PDZRN4: variants seen among roughly 807,000 people sequenced by gnomAD.
PDZRN4 encodes the protein PDZ domain containing ring finger 4.
Under a neutral mutation model 99.0 loss-of-function variants are expected in PDZRN4, and 70 were observed. The observed-to-expected ratio is 0.71, with a 90% CI of 0.58 to 0.86. The LOEUF (loss-of-function observed/expected upper bound fraction) is 0.86, where lower values mean the gene tolerates loss of function less well. PDZRN4 is among the 40% of genes least tolerant of loss of function. PDZRN4 has a pLI of 0.00. For missense variants in PDZRN4, 1,474 were observed against 1,331.2 expected, an observed-to-expected ratio of 1.11 and a Z score of -1.67; for synonymous variants, 551 against 501.6, an observed-to-expected ratio of 1.10 and a Z score of -1.32.
intron 3 of PDZRN4, among the ~76,000 whole-genome samples, chr12:41,447,162 G>A (rs1952736286): frequency 1.3e-5 from 2 of 152,012 alleles, no homozygotes; most frequent in Admixed American, 6.6e-5. Context: ...AATATTGTTT[G>A]CTTGGTACTT....
chr12:41,358,471 A>G lies in PDZRN4; in HGVS notation c.844-147985A>G, dbSNP rs921084222. On this transcript the variant is annotated intron_variant, in intron 3 of 9. Transcript: ENST00000402685. ...GAAAAATGTCCTGGACAATTTCCAT[A>G]CTCTTACTTTCATATCTACTCACTT... Among the ~76,000 whole-genome samples, 3 of 152,038 alleles carry G rather than the reference A, an allele frequency of 2.0e-5. No individual in the cohort carries two copies. The South Asian group carries it at 6.2e-4, about 32-fold the overall frequency.
intron 3 of PDZRN4, among the ~76,000 whole-genome samples, chr12:41,377,882 G>A (rs974941770): frequency 6.6e-6 from 1 of 151,998 alleles, no homozygotes; most frequent in East Asian, 1.9e-4. Context: ...GAGTTTTTTG[G>A]TGGAATCTTT....
In PDZRN4 at chr12:41,504,842, C is replaced by G. The variant is rs553973805; in HGVS notation, c.844-1614C>G. On this transcript the variant is annotated intron_variant, in intron 3 of 9. Transcript: ENST00000402685. ...GCATAGATTAGTGAATGTGTTCACA[C>G]TGGTAAACACCCAGTCAGATCTCCA... Among the ~76,000 whole-genome samples the G allele has an allele frequency of 2.3e-4, 35 of 152,038 alleles. 1 individual carries two copies. Among genetic ancestry groups the G allele is most frequent in the African/African-American group, 8.2e-4 (34 of 41,462 alleles).
chr12:41,458,553 C>T (rs1952838441), intron 3 of PDZRN4, among the ~76,000 whole-genome samples: 1 of 152,158 alleles, frequency 6.6e-6, no homozygotes, highest in South Asian at 2.1e-4. Context: ...GGGAGGGTTA[C>T]TATTAACTAA....
intron 3 of PDZRN4, among the ~76,000 whole-genome samples, chr12:41,425,797 A>G (rs1407673636): frequency 6.6e-6 from 1 of 152,184 alleles, no homozygotes; most frequent in African/African-American, 2.4e-5. Context: ...TTAACCTACT[A>G]AAGCCTATCA....
intron 3 of PDZRN4, among the ~76,000 whole-genome samples, chr12:41,197,918 G>GTTTT (rs1491129322): frequency 3.5e-5 from 4 of 114,576 alleles, no homozygotes; most frequent in Admixed American, 9.6e-5. Context: ...TGTTTTTTCT[G>GTTTT]GGTTTTTTTT....
At chr12:41,378,735 C>A (rs1240362894) in intron 3 of PDZRN4, among the ~76,000 whole-genome samples, 1 of 152,008 alleles carries the variant, frequency 6.6e-6, no homozygotes, top group African/African-American at 2.4e-5. Flanking sequence ...GTTGGCCAAG[C>A]TGTTCTTGAA....
chr12:41,507,694 G>A (rs1412956321), intron 4 of PDZRN4, among the ~76,000 whole-genome samples: 2 of 152,070 alleles, frequency 1.3e-5, no homozygotes, highest in African/African-American at 4.8e-5. Flanking sequence ...ATTTTCAAAA[G>A]TCTCCCTAGG....
intron 3 of PDZRN4, among the ~76,000 whole-genome samples, chr12:41,334,598 T>C (rs1042599148): frequency 6.6e-6 from 1 of 152,106 alleles, no homozygotes; most frequent in Non-Finnish European, 1.5e-5. Context: ...CCAGTCCTTA[T>C]CACGGCTTTG....
intron 3 of PDZRN4, among the ~76,000 whole-genome samples, chr12:41,468,277 T>C (rs1952949123): frequency 2.0e-5 from 3 of 152,182 alleles, no homozygotes; most frequent in Admixed American, 1.3e-4. Context: ...ATCCCTTAGA[T>C]TGAGCTACTG....
chr12:41,210,108 C>T (rs1479930189), intron 3 of PDZRN4, among the ~76,000 whole-genome samples: 2 of 152,192 alleles, frequency 1.3e-5, no homozygotes, highest in South Asian at 2.1e-4. Context: ...TGATGATGAG[C>T]ATTTTTTCAT....
intron 3 of PDZRN4, among the ~76,000 whole-genome samples, chr12:41,239,341 G>T (rs564813655): frequency 6.6e-6 from 1 of 152,296 alleles, no homozygotes; most frequent in East Asian, 1.9e-4. Context: ...GGGAGGGACA[G>T]CATCAGGAAG....
At chr12:41,397,800 GAT>G (rs1390141698) in intron 3 of PDZRN4, among the ~76,000 whole-genome samples, 1 of 152,092 alleles carries the variant, frequency 6.6e-6, no homozygotes, top group African/African-American at 2.4e-5. Flanking sequence ...ATTAGAAAGT[GAT>G]AGTTTACTTT....
chr12:41,571,848 C>A (rs756354363), intron 9 of PDZRN4, among the ~76,000 whole-genome samples: 7 of 152,104 alleles, frequency 4.6e-5, no homozygotes, highest in African/African-American at 9.7e-5. Context: ...TTAACTTAGT[C>A]CTAAAACTCT....
chr12:41,430,876 G>T (rs1465298465), intron 3 of PDZRN4, among the ~76,000 whole-genome samples: 1 of 152,204 alleles, frequency 6.6e-6, no homozygotes, highest in Non-Finnish European at 1.5e-5. Context: ...TTCTGCTTCT[G>T]TGGAGGCTGC....
At chr12:41,451,712 G>C (rs1169343014) in intron 3 of PDZRN4, among the ~76,000 whole-genome samples, 1 of 152,172 alleles carries the variant, frequency 6.6e-6, no homozygotes, top group Non-Finnish European at 1.5e-5. Flanking sequence ...TTTTCTGGCT[G>C]AGTAATGGAC....
rs141686029 is a variant in PDZRN4, at chr12:41,426,002, T to G, written c.844-80454T>G. ...CTGTTTCATGAGGAGCAGAAAGTAG[T>G]GATGATAAAGCACTTAGGGCATTTG... On this transcript the variant is annotated intron_variant, in intron 3 of 9. Transcript: ENST00000402685. Among the ~76,000 whole-genome samples, 24 of 152,280 alleles carry G rather than the reference T, an allele frequency of 1.6e-4. No individual in the cohort carries two copies. The East Asian group carries it at 4.6e-3, about 29-fold the overall frequency.
At chr12:41,447,429 A>G (rs577626722) in intron 3 of PDZRN4, among the ~76,000 whole-genome samples, 3 of 152,172 alleles carry the variant, frequency 2.0e-5, no homozygotes, top group Non-Finnish European at 4.4e-5. Flanking sequence ...AACACTGTGC[A>G]TAGAAGAAAG....
At chr12:41,247,968 C>A (rs78174802) in intron 3 of PDZRN4, among the ~76,000 whole-genome samples, 4,957 of 41,876 alleles carry the variant, frequency 0.12, 142 homozygotes, top group East Asian at 0.35. Context: ...GGCTCACAGA[C>A]GTGAAAGTTA....
Sources: gnomAD v4.1 joint callset for allele counts (sites outside exome capture counted in the v4.1 genomes callset) on GRCh38, gnomAD v4.1.1 for gene constraint, MANE v1.5 for transcripts, NCBI Gene and HGNC (gene_info 2026-07-23, HGNC 2026-07-21) for gene names.